The following SLC2A13 variants were observed in gnomAD, a reference collection of about 807,000 sequenced individuals.
The protein encoded by SLC2A13 is solute carrier family 2 member 13.
In SLC2A13, 32 loss-of-function variants were observed where a neutral mutation model predicts 64.4. The observed-to-expected ratio is 0.50, with a 90% CI of 0.37 to 0.67. SLC2A13 has a LOEUF of 0.67. SLC2A13 is among the 30% of genes least tolerant of loss of function. SLC2A13 has a pLI of 0.00. For synonymous variants in SLC2A13, 338 were observed against 327.1 expected, an observed-to-expected ratio of 1.03 and a Z score of -0.36; for missense variants, 743 against 829.2, an observed-to-expected ratio of 0.90 and a Z score of 1.28.
chr12:39,961,765 C>A (rs144931720), intron 3 of SLC2A13, among the ~76,000 whole-genome samples: 1 of 150,700 alleles, frequency 6.6e-6, no homozygotes, highest in Admixed American at 6.6e-5. Flanking sequence ...CCTCCCAAAG[C>A]GCTGTGATTA....
Position 39,998,401 on chromosome 12 carries a change from G to A in SLC2A13, c.925+29900C>T, listed in dbSNP as rs566268927. The stretch of plus-strand genomic sequence containing the variant: ...CTTGAGGGAAAAGGGTGGGAAGGGG[G>A]TGAGGAATAAAACAGTCTGTCACAA... On this transcript the variant is annotated intron_variant, in intron 3 of 9. Coordinates refer to ENST00000280871, the MANE Select transcript of SLC2A13 (RefSeq NM_052885.4). 2.6e-5 allele frequency among the ~76,000 whole-genome samples: 4 copies of A among 152,326 alleles called. No homozygotes were observed. The South Asian group carries it at 8.3e-4, about 32-fold the overall frequency.
intron 1 of SLC2A13, among the ~76,000 whole-genome samples, chr12:40,075,577 C>A (rs1938139326): frequency 6.6e-6 from 1 of 152,136 alleles, no homozygotes; most frequent in Non-Finnish European, 1.5e-5. Flanking sequence ...CTGGGCATGG[C>A]TTTCTTTGAA....
chr12:39,844,500 G>A (rs866560666), intron 6 of SLC2A13, among the ~76,000 whole-genome samples: 2 of 152,062 alleles, frequency 1.3e-5, no homozygotes, highest in South Asian at 2.1e-4. Flanking sequence ...TTCAGAGTTC[G>A]AAAATAAAAG....
At chr12:39,900,712 T>C (rs2136015175) in intron 4 of SLC2A13, among the ~76,000 whole-genome samples, 2 of 152,246 alleles carry the variant, frequency 1.3e-5, no homozygotes, top group Middle Eastern at 3.4e-3. Flanking sequence ...TGGAAGAACA[T>C]TCCATGCTCA....
intron 4 of SLC2A13, among the ~76,000 whole-genome samples, chr12:39,943,858 C>A (rs1212269151): frequency 6.6e-6 from 1 of 152,194 alleles, no homozygotes; most frequent in African/African-American, 2.4e-5. Context: ...ACCATCAGCA[C>A]CCTAGGTTTC....
At chr12:39,885,009 G>C (rs1163858608) in intron 4 of SLC2A13, among the ~76,000 whole-genome samples, 2 of 152,214 alleles carry the variant, frequency 1.3e-5, no homozygotes, top group Non-Finnish European at 2.9e-5. Flanking sequence ...GGCAGAGACA[G>C]GTATTATAGC....
chr12:40,087,928 G>C (rs1199357995), intron 1 of SLC2A13, among the ~76,000 whole-genome samples: 1 of 152,104 alleles, frequency 6.6e-6, no homozygotes. Flanking sequence ...AATTTATACT[G>C]ATTGTAAGTA....
intron 1 of SLC2A13, among the ~76,000 whole-genome samples, chr12:40,065,084 T>G (rs1937671601): frequency 6.6e-6 from 1 of 151,968 alleles, no homozygotes; most frequent in Admixed American, 6.6e-5. Context: ...TTTTAGATAC[T>G]AAAAAAATGA....
chr12:39,772,486 T>A (rs1161259018), intron 7 of SLC2A13, among the ~76,000 whole-genome samples: 1 of 152,100 alleles, frequency 6.6e-6, no homozygotes, highest in Non-Finnish European at 1.5e-5. Context: ...TGATGAAGCT[T>A]TTACATTTGC....
intron 7 of SLC2A13, among the ~76,000 whole-genome samples, chr12:39,820,620 T>C (rs957112818): frequency 4.6e-5 from 7 of 151,628 alleles, no homozygotes; most frequent in Non-Finnish European, 1.0e-4. Flanking sequence ...ATTTATGCTG[T>C]CCAGCAAAAA....
chr12:40,105,501 G>T lies in SLC2A13; in HGVS notation c.308C>A (p.Ser103Ter). The T allele has an allele frequency of 6.3e-7, 1 of 1,578,942 alleles. No individual in the cohort carries two copies. Among genetic ancestry groups the T allele is most frequent in the Non-Finnish European group, 8.6e-7 (1 of 1,164,186 alleles). Residue 103 changes from serine to a stop codon, truncating the protein, a stop_gained, in exon 1 of 10, where the codon TCA becomes TAA. Coordinates refer to ENST00000280871, the MANE Select transcript of SLC2A13 (RefSeq NM_052885.4). LOFTEE classifies it high-confidence loss of function. The surrounding 1 kb of genome is among the most constrained non-coding windows in gnomAD (Gnocchi z 4.2). Reference protein sequence around the residue: ...FLFGYDTGVVSGAMLLLKRQL... With the variant: ...FLFGYDTGVV Reference sequence around the variant, plus strand: ...CCGCTTGAGCAGCAGCATGGCCCCTGACACCACCCCGGTGTCATAGCCAAA... The same window carrying T: ...CCGCTTGAGCAGCAGCATGGCCCCTTACACCACCCCGGTGTCATAGCCAAA...
At chr12:40,026,926 A>G (rs1592019057) in intron 3 of SLC2A13, among the ~76,000 whole-genome samples, 1 of 152,244 alleles carries the variant, frequency 6.6e-6, no homozygotes, top group East Asian at 1.9e-4. Context: ...CAAAAAATAC[A>G]AAAATCAGCC....
chr12:39,790,237 T>C (rs1228459931), intron 7 of SLC2A13, among the ~76,000 whole-genome samples: 2 of 151,178 alleles, frequency 1.3e-5, no homozygotes, highest in Non-Finnish European at 2.9e-5. Context: ...TTTTTTATTA[T>C]ACTTTAAGTT....
At position 40,020,379 on chromosome 12, in the gene SLC2A13, T is replaced by C. The variant is rs545706215; in HGVS notation, c.925+7922A>G. ...AGTGAGTTCTCACGAGCTCTGACGG[T>C]TTAAAACTGTGTGACTTTCTTCACT... On this transcript the variant is annotated intron_variant, in intron 3 of 9. Coordinates refer to ENST00000280871, the MANE Select transcript of SLC2A13 (RefSeq NM_052885.4). 2.2e-4 allele frequency among the ~76,000 whole-genome samples: 34 copies of C among 152,266 alleles called. 1 individual carries two copies. In the South Asian group the frequency reaches 7.1e-3, roughly 32 times the overall value.
intron 2 of SLC2A13, among the ~76,000 whole-genome samples, chr12:40,034,536 T>C (rs1436709317): frequency 2.0e-5 from 3 of 152,240 alleles, no homozygotes; most frequent in Non-Finnish European, 4.4e-5. Context: ...GAAAAAACTG[T>C]ATCTGTAATT....
intron 3 of SLC2A13, among the ~76,000 whole-genome samples, chr12:39,957,679 T>G (rs749216482): frequency 7.9e-5 from 12 of 152,336 alleles, no homozygotes; most frequent in Middle Eastern, 3.4e-3. Context: ...TCCTGCGTGC[T>G]ATCAGGGGAG....
rs190903368 is a variant in SLC2A13, at chr12:39,935,990, T to C, written c.1034+15267A>G. Among the ~76,000 whole-genome samples, 11 of 152,296 alleles carry C rather than the reference T, an allele frequency of 7.2e-5. No individual in the cohort carries two copies. The East Asian group carries it at 1.7e-3, about 24-fold the overall frequency. On this transcript the variant is annotated intron_variant, in intron 4 of 9. Transcript: ENST00000280871. ...CTTTATATACCCTTGCGTAGGGCAG[T>C]GGTTGGACATGAAGCAGTGCAAAGA...
chr12:39,777,866 T>C (rs1940831770), intron 7 of SLC2A13, among the ~76,000 whole-genome samples: 1 of 152,202 alleles, frequency 6.6e-6, no homozygotes, highest in African/African-American at 2.4e-5. Context: ...ACGTGTGATC[T>C]GATTCTTCTG....
Position 40,105,468 on chromosome 12 carries a change from C to A in SLC2A13, c.341G>T (p.Ser114Ile), listed in dbSNP as rs1272167368. The change falls in exon 1 of 10, where the codon AGT (serine) becomes ATT (isoleucine). Residue 114 changes from serine (S) to isoleucine (I), a missense_variant. Coordinates refer to ENST00000280871, the MANE Select transcript of SLC2A13 (RefSeq NM_052885.4). The surrounding 1 kb of genome is among the most constrained non-coding windows in gnomAD (Gnocchi z 4.2). Reference sequence around the variant, plus strand: ...CAGCTCCTGCCACAGCGCGTCCAGACTGAGCTGCCGCTTGAGCAGCAGCAT... The same window carrying A: ...CAGCTCCTGCCACAGCGCGTCCAGAATGAGCTGCCGCTTGAGCAGCAGCAT... ...GAMLLLKRQLSLDALWQELLV... is the reference protein window; with the variant it reads ...GAMLLLKRQLILDALWQELLV... 2 of 1,564,074 alleles carry A rather than the reference C, an allele frequency of 1.3e-6. No individual in the cohort carries two copies. Among genetic ancestry groups the A allele is most frequent in the African/African-American group, 1.4e-5 (1 of 73,144 alleles).
Sources: gnomAD v4.1 joint callset for allele counts (sites outside exome capture counted in the v4.1 genomes callset) on GRCh38, gnomAD v4.1.1 for gene constraint, Gnocchi (gnomAD v3.1) non-coding constraint, MANE v1.5 for transcripts, NCBI Gene and HGNC (gene_info 2026-07-23, HGNC 2026-07-21) for gene names.